Variants in SLA2 observed in about 807,000 individuals in gnomAD.
SLA2 encodes the protein Src like adaptor 2, also known as src-like-adapter 2.
A neutral mutation model predicts 27.3 loss-of-function variants in SLA2; 22 were observed. That is an observed-to-expected ratio of 0.81 (90% CI 0.58 to 1.15). SLA2 has a LOEUF of 1.15. Among genes scored for constraint, SLA2 ranks in the 50% most tolerant of loss-of-function variants. The probability of loss-of-function intolerance (pLI) is 0.00; values close to 1 mark genes in which losing one functional copy is unlikely to be tolerated. For synonymous variants in SLA2, 131 were observed against 137.8 expected, an observed-to-expected ratio of 0.95 and a Z score of 0.34; for missense variants, 304 against 322.2, an observed-to-expected ratio of 0.94 and a Z score of 0.43.
At chr20:36,636,623 A>AAAAAAAAAATATATATAT (rs1387991352) in intron 2 of SLA2, among the ~76,000 whole-genome samples, 5 of 114,682 alleles carry the variant, frequency 4.4e-5, no homozygotes, top group African/African-American at 2.0e-4. Context: ...AAAAAAAAAA[A>AAAAAAAAAATATATATAT]ATATATATAT....
intron 5 of SLA2, among the ~76,000 whole-genome samples, chr20:36,632,059 C>CA (rs2039398122): frequency 1.3e-5 from 2 of 152,170 alleles, no homozygotes; most frequent in African/African-American, 4.8e-5. Flanking sequence ...AGAACACACT[C>CA]AGAGAGTCCC....
chr20:36,626,424 C>T lies in SLA2; in HGVS notation c.382+6171G>A, dbSNP rs141164872. On this transcript the variant is annotated intron_variant, in intron 5 of 7. Transcript: ENST00000262866. ...AAAACACACACAAAAATTCGCAGGG[C>T]GTGGAAGCATTCACCTGTAGTCCCA... Among the ~76,000 whole-genome samples the T allele has an allele frequency of 8.7e-4, 132 of 151,114 alleles. 2 individuals carry two copies. Among genetic ancestry groups the T allele is most frequent in the African/African-American group, 2.9e-3 (120 of 41,174 alleles).
At chr20:36,621,106 G>A (rs1183624358) in intron 5 of SLA2, 1 of 367,508 alleles carries the variant, frequency 2.7e-6, no homozygotes, top group Non-Finnish European at 5.5e-6. Flanking sequence ...AGGTGATGGT[G>A]GCATCAATGA....
At chr20:36,633,338 G>A (rs1414122838) in intron 4 of SLA2, among the ~76,000 whole-genome samples, 1 of 152,100 alleles carries the variant, frequency 6.6e-6, no homozygotes, top group Non-Finnish European at 1.5e-5. Flanking sequence ...TCCTCTGTGG[G>A]CCTTCCCAAG....
At chr20:36,622,249 C>T (rs530081057) in intron 5 of SLA2, among the ~76,000 whole-genome samples, 1 of 146,428 alleles carries the variant, frequency 6.8e-6, no homozygotes, top group South Asian at 2.2e-4. Context: ...TGGTGGCATG[C>T]GCCTGTTGTC....
intron 2 of SLA2, among the ~76,000 whole-genome samples, chr20:36,638,660 C>T (rs566743941): frequency 2.0e-5 from 3 of 152,162 alleles, no homozygotes; most frequent in South Asian, 4.1e-4. Context: ...GTCCCAGTAG[C>T]AAAACTTGCA....
chr20:36,616,074 T>C lies in SLA2; in HGVS notation c.383-700A>G, dbSNP rs370429046. 3.0e-4 allele frequency among the ~76,000 whole-genome samples: 45 copies of C among 152,266 alleles called. 1 individual carries two copies. In the South Asian group the frequency reaches 8.5e-3, roughly 29 times the overall value. ...CCTGATTCTATTTAAAGTTCAAAGA[T>C]AGCCAACATGACATTATATGTTGCA... On this transcript the variant is annotated intron_variant, in intron 5 of 7. Coordinates refer to ENST00000262866, the MANE Select transcript of SLA2 (RefSeq NM_032214.4).
At chr20:36,645,181 C>T (rs1978286935) in intron 1 of SLA2, among the ~76,000 whole-genome samples, 1 of 145,872 alleles carries the variant, frequency 6.9e-6, no homozygotes, top group East Asian at 2.0e-4. Flanking sequence ...ACCCCCACCC[C>T]CACCACCGCC....
chr20:36,634,870 G>A (rs538878459), intron 2 of SLA2, among the ~76,000 whole-genome samples: 19 of 152,070 alleles, frequency 1.2e-4, no homozygotes, highest in South Asian at 4.2e-4. Flanking sequence ...TAGGCTGAGC[G>A]ACAGGGCAAG....
intron 5 of SLA2, chr20:36,620,565 CTTT>C (rs35429682): frequency 5.4e-4 from 58 of 107,588 alleles, no homozygotes; most frequent in East Asian, 2.8e-3. Context: ...ACCACACTGG[CTTT>C]TTTTTTTTTT....
chr20:36,613,834 C>A lies in SLA2; in HGVS notation c.*32G>T, dbSNP rs1311171801. 1 of 1,533,640 alleles carries A rather than the reference C, an allele frequency of 6.5e-7. No homozygotes were observed. The highest frequency in any genetic ancestry group is 1.4e-5 in the African/African-American group (1 of 71,946). ...CTGAATTGGGGTTCTAGGTGTGCAGCCTTGGTTTCCCTTTTGGCCTCTCCT... is the reference window on the plus strand; with the variant it reads ...CTGAATTGGGGTTCTAGGTGTGCAGACTTGGTTTCCCTTTTGGCCTCTCCT... On this transcript the variant is annotated 3_prime_UTR_variant, in exon 8 of 8. Transcript: ENST00000262866.
chr20:36,614,752 T>G (rs1009950093), intron 6 of SLA2: 1 of 985,288 alleles, frequency 1.0e-6, no homozygotes, highest in Non-Finnish European at 1.2e-6. Context: ...ACTGTCTACT[T>G]CCACACAGAG....
At position 36,641,345 on chromosome 20, in the gene SLA2, G is replaced by T. The variant is rs1299205012; in HGVS notation, c.-10C>A. The T allele has an allele frequency of 4.3e-6, 7 of 1,612,020 alleles. No individual in the cohort carries two copies. The highest frequency in any genetic ancestry group is 5.9e-6 in the Non-Finnish European group (7 of 1,178,284). On this transcript the variant is annotated 5_prime_UTR_variant, in exon 2 of 8. It adds an upstream start codon to the 5' untranslated region. Coordinates refer to ENST00000262866, the MANE Select transcript of SLA2 (RefSeq NM_032214.4). ...TGGGCAGACTTCCCATTGTTCCTCAGCAGAGCACTCAGAAGCACATCATCG... is the reference window on the plus strand; with the variant it reads ...TGGGCAGACTTCCCATTGTTCCTCATCAGAGCACTCAGAAGCACATCATCG...
intron 5 of SLA2, among the ~76,000 whole-genome samples, chr20:36,620,128 C>A (rs1260215725): frequency 6.7e-6 from 1 of 148,588 alleles, no homozygotes; most frequent in African/African-American, 2.5e-5. Context: ...CGATGGCTCA[C>A]ACCTGTAATC....
intron 5 of SLA2, among the ~76,000 whole-genome samples, chr20:36,628,233 G>A (rs1433817731): frequency 1.3e-5 from 2 of 152,180 alleles, no homozygotes. Flanking sequence ...ACTGTTCTAT[G>A]ACGTCACTTG....
At chr20:36,623,765 G>T (rs2039309000) in intron 5 of SLA2, among the ~76,000 whole-genome samples, 1 of 151,960 alleles carries the variant, frequency 6.6e-6, no homozygotes, top group South Asian at 2.1e-4. Flanking sequence ...AGTAGCTGGG[G>T]CTATAGGTGT....
chr20:36,643,571 A>G (rs1978285331), intron 1 of SLA2, among the ~76,000 whole-genome samples: 1 of 152,136 alleles, frequency 6.6e-6, no homozygotes, highest in Non-Finnish European at 1.5e-5. Flanking sequence ...GGCGTCCTGG[A>G]CCAGTCCTGT....
chr20:36,634,148 C>T (rs1056732074), intron 3 of SLA2, among the ~76,000 whole-genome samples: 9 of 151,918 alleles, frequency 5.9e-5, no homozygotes, highest in South Asian at 2.1e-4. Flanking sequence ...CCACCAAGCC[C>T]GGCTAATTTT....
intron 5 of SLA2, 46 bp downstream of exon 5, chr20:36,632,549 A>G (rs1342395806): frequency 6.8e-7 from 1 of 1,466,536 alleles, no homozygotes; most frequent in African/African-American, 1.4e-5. Context: ...CTCCTTTCTG[A>G]GACCTCCACG....
Sources: gnomAD v4.1 joint callset for allele counts (sites outside exome capture counted in the v4.1 genomes callset) on GRCh38, gnomAD v4.1.1 for gene constraint, MANE v1.5 for transcripts, NCBI Gene and HGNC (gene_info 2026-07-23, HGNC 2026-07-21) for gene names.